The following MACROD1 variants were observed in gnomAD, a reference collection of about 807,000 sequenced individuals.
MACROD1 encodes ADP-ribose glycohydrolase MACROD1.
In MACROD1, 31 loss-of-function variants were observed where a neutral mutation model predicts 41.4. That is an observed-to-expected ratio of 0.75 (90% CI 0.56 to 1.01). MACROD1 has a LOEUF of 1.01. MACROD1 is among the 50% of genes least tolerant of loss of function. MACROD1 has a pLI of 0.00. For synonymous variants in MACROD1, 252 were observed against 203.4 expected (o/e 1.24, Z -2.03); for missense variants, 473 against 460.0 (o/e 1.03, Z -0.26).
intron 3 of MACROD1, among the ~76,000 whole-genome samples, chr11:64,035,369 G>C (rs1161974318): frequency 6.6e-6 from 1 of 152,172 alleles, no homozygotes; most frequent in African/African-American, 2.4e-5. Context: ...GTACCTGTTT[G>C]TGAATGAATG....
Position 64,090,788 on chromosome 11 carries a change from A to G in MACROD1, c.517+60451T>C, listed in dbSNP as rs1267505140. Among the ~76,000 whole-genome samples, 2 of 151,786 alleles carry G rather than the reference A, an allele frequency of 1.3e-5. No homozygotes were observed. The highest frequency in any genetic ancestry group is 4.8e-5 in the African/African-American group (2 of 41,308). On this transcript the variant is annotated intron_variant, in intron 3 of 10. Coordinates refer to ENST00000255681, the MANE Select transcript of MACROD1 (RefSeq NM_014067.4). The surrounding 1 kb of genome is among the most constrained non-coding windows in gnomAD (Gnocchi z 4.7). ...GGGTGGCGGCGTCTCTCCACCAGGCACTTGGGGTTTGTCTCTGGGGCTCTG... is the reference window on the plus strand; with the variant it reads ...GGGTGGCGGCGTCTCTCCACCAGGCGCTTGGGGTTTGTCTCTGGGGCTCTG...
intron 3 of MACROD1, among the ~76,000 whole-genome samples, chr11:64,141,679 G>C (rs943226305): frequency 3.3e-5 from 5 of 152,212 alleles, no homozygotes; most frequent in Non-Finnish European, 7.3e-5. Context: ...TGCTCGGGTG[G>C]ACAGCACACC....
chr11:64,157,362 G>C (rs560827598), intron 1 of MACROD1, among the ~76,000 whole-genome samples: 91 of 152,300 alleles, frequency 6.0e-4, no homozygotes, highest in Admixed American at 1.9e-3. Flanking sequence ...CGAAAGTGCT[G>C]GGATTACAGG....
chr11:64,073,215 C>T (rs1378897550), intron 3 of MACROD1, among the ~76,000 whole-genome samples: 2 of 152,232 alleles, frequency 1.3e-5, no homozygotes, highest in Non-Finnish European at 2.9e-5. Context: ...CCCCCTCATC[C>T]GGCCATCGGT....
Position 64,036,929 on chromosome 11 carries a change from A to G in MACROD1, c.518-21648T>C, listed in dbSNP as rs1943393233. Among the ~76,000 whole-genome samples, 1 of 152,306 alleles carries G rather than the reference A, an allele frequency of 6.6e-6. No individual in the cohort carries two copies. The highest frequency in any genetic ancestry group is 2.4e-5 in the African/African-American group (1 of 41,582). The stretch of plus-strand genomic sequence containing the variant: ...CTGGGGAGTGTTGTCGCCCAGCTGC[A>G]GGGAACCGTGGTTGATCAGAGCTCC... On this transcript the variant is annotated intron_variant, in intron 3 of 10. Transcript: ENST00000255681. The surrounding 1 kb of genome is among the most constrained non-coding windows in gnomAD (Gnocchi z 5.6).
chr11:64,078,413 T>A (rs780026967), intron 3 of MACROD1, among the ~76,000 whole-genome samples: 1 of 152,178 alleles, frequency 6.6e-6, no homozygotes, highest in Non-Finnish European at 1.5e-5. Context: ...CAATATTAAA[T>A]GCAGCTGCAC....
Position 64,001,829 on chromosome 11 carries a change from G to A in MACROD1, c.548-1486C>T. On this transcript the variant is annotated intron_variant, in intron 4 of 10. Coordinates refer to ENST00000255681, the MANE Select transcript of MACROD1 (RefSeq NM_014067.4). Reference sequence around the variant, plus strand: ...CTGGGAAGTGAGTGTTCCGAATGGGGTGCCGTGGCTGGGCTGTGGAGCTGG... The same window carrying A: ...CTGGGAAGTGAGTGTTCCGAATGGGATGCCGTGGCTGGGCTGTGGAGCTGG... The A allele has an allele frequency of 5.8e-6, 4 of 690,028 alleles. No individual in the cohort carries two copies. The South Asian group carries it at 5.9e-5, about 10-fold the overall frequency. 42.7% of individuals were successfully genotyped at this position (690,028 alleles called of 1,614,324 possible).
chr11:64,058,239 C>T (rs1448210122), intron 3 of MACROD1, among the ~76,000 whole-genome samples: 1 of 152,252 alleles, frequency 6.6e-6, no homozygotes, highest in South Asian at 2.1e-4. Context: ...AGCAGGGTAA[C>T]CTGCTCCTGC....
At chr11:64,130,300 G>C (rs1945247073) in intron 3 of MACROD1, among the ~76,000 whole-genome samples, 1 of 152,190 alleles carries the variant, frequency 6.6e-6, no homozygotes, top group African/African-American at 2.4e-5. Flanking sequence ...TGTTTTGTCA[G>C]ACTCAGGACT....
intron 3 of MACROD1, among the ~76,000 whole-genome samples, chr11:64,051,605 C>T (rs559703260): frequency 5.3e-5 from 8 of 152,212 alleles, no homozygotes; most frequent in African/African-American, 7.2e-5. Context: ...GTGCCACCAC[C>T]GCCATTCCTG....
At chr11:64,020,570 A>G (rs919392230) in intron 3 of MACROD1, among the ~76,000 whole-genome samples, 3 of 151,590 alleles carry the variant, frequency 2.0e-5, no homozygotes, top group Non-Finnish European at 2.9e-5. Flanking sequence ...CATGCTCTCC[A>G]GCCCCAGACC....
chr11:64,036,614 C>G lies in MACROD1; in HGVS notation c.518-21333G>C, dbSNP rs1373110806. Among the ~76,000 whole-genome samples the G allele has an allele frequency of 2.6e-5, 4 of 152,184 alleles. No homozygotes were observed. Among genetic ancestry groups the G allele is most frequent in the Admixed American group, 1.3e-4 (2 of 15,292 alleles). On this transcript the variant is annotated intron_variant, in intron 3 of 10. Transcript: ENST00000255681. This position sits in a 1 kb window ranked among gnomAD's most constrained non-coding sequence, Gnocchi z 5.6. ...CCGGCCGGCCTGGGCGCCGCGCTCC[C>G]GTCCCCACCAGCCGCGTGAGTCACG...
At chr11:64,020,935 T>G (rs1363356136) in intron 3 of MACROD1, among the ~76,000 whole-genome samples, 1 of 152,090 alleles carries the variant, frequency 6.6e-6, no homozygotes, top group Non-Finnish European at 1.5e-5. Context: ...CAGGCTGGTC[T>G]CGAACTCCTG....
intron 3 of MACROD1, among the ~76,000 whole-genome samples, chr11:64,037,866 G>A (rs1943412474): frequency 6.6e-6 from 1 of 152,216 alleles, no homozygotes; most frequent in South Asian, 2.1e-4. Context: ...TCCCTTGTTG[G>A]TAAAATGGGA....
intron 3 of MACROD1, among the ~76,000 whole-genome samples, chr11:64,145,112 G>A (rs965612998): frequency 6.6e-6 from 1 of 152,198 alleles, no homozygotes; most frequent in Admixed American, 6.5e-5. Flanking sequence ...GGTGATAAGC[G>A]GCCAGCAGAT....
chr11:64,165,129 C>T lies in MACROD1; in HGVS notation c.298+568G>A, dbSNP rs546577847. 2.4e-4 allele frequency among the ~76,000 whole-genome samples: 36 copies of T among 152,274 alleles called. No homozygotes were observed. The South Asian group carries it at 6.6e-3, about 28-fold the overall frequency. On this transcript the variant is annotated intron_variant, in intron 1 of 10. Coordinates refer to ENST00000255681, the MANE Select transcript of MACROD1 (RefSeq NM_014067.4). ...ACGTGCCCAGGAAGGCATCAGAGTG[C>T]GGGCTTGGGGTGGGGTGGAGGCAGG... is the stretch of plus-strand genomic sequence containing the variant.
intron 3 of MACROD1, among the ~76,000 whole-genome samples, chr11:64,043,664 A>G (rs181896408): frequency 3.9e-5 from 6 of 152,320 alleles, no homozygotes; most frequent in Admixed American, 2.6e-4. Context: ...TTTACTGCAT[A>G]CAATGCATAT....
rs368397491 is a variant in MACROD1, at chr11:64,151,278, C to G, written c.478G>C (p.Asp160His). The G allele has an allele frequency of 6.2e-7, 1 of 1,613,912 alleles. No individual in the cohort carries two copies. ...LNEKISLLRS[D>H]ITKLEVDAIV... is the part of the protein sequence containing the mutation. ...GCGTCCACCTCCAGCTTGGTGATGTCGCTGCGGAGCAGGGAGATTTTCTCA... is the reference window on the plus strand; with the variant it reads ...GCGTCCACCTCCAGCTTGGTGATGTGGCTGCGGAGCAGGGAGATTTTCTCA... Residue 160 changes from aspartate to histidine, a missense_variant, in exon 3 of 11, where the codon GAC becomes CAC. Transcript: ENST00000255681.
At position 64,063,757 on chromosome 11, in the gene MACROD1, C is replaced by T. The variant is rs188752062; in HGVS notation, c.518-48476G>A. 3.3e-5 allele frequency among the ~76,000 whole-genome samples: 5 copies of T among 152,296 alleles called. 1 individual carries two copies. The highest frequency in any genetic ancestry group is 3.9e-4 in the East Asian group (2 of 5,176). ...CATGGGCAGCCACGCGGTCCTCGCC[C>T]GGCTGTCAGCCAGCAATCATGCCTA... On this transcript the variant is annotated intron_variant, in intron 3 of 10. Transcript: ENST00000255681.
Sources: gnomAD v4.1 joint callset for allele counts (sites outside exome capture counted in the v4.1 genomes callset) on GRCh38, gnomAD v4.1.1 for gene constraint, Gnocchi (gnomAD v3.1) non-coding constraint, MANE v1.5 for transcripts, NCBI Gene and HGNC (gene_info 2026-07-23, HGNC 2026-07-21) for gene names.